The following ATP2B4 variants were observed in gnomAD, a reference collection of about 807,000 sequenced individuals.
ATP2B4 encodes the protein ATPase plasma membrane Ca2+ transporting 4, also known as plasma membrane calcium-transporting ATPase 4.
In ATP2B4, 39 loss-of-function variants were observed where a neutral mutation model predicts 110.3. The observed-to-expected ratio is 0.35, with a 90% CI of 0.27 to 0.46. The LOEUF is 0.46. Among genes scored for constraint, ATP2B4 ranks in the 20% least tolerant of loss-of-function variants. The probability of loss-of-function intolerance (pLI) is 1.00; values close to 1 mark genes in which losing one functional copy is unlikely to be tolerated. For synonymous variants in ATP2B4, 538 were observed against 571.7 expected (o/e 0.94, Z 0.84); for missense variants, 1,135 against 1,530.9 (o/e 0.74, Z 4.32).
Position 203,723,863 on chromosome 1 carries a change from C to A in ATP2B4, c.3025-18C>A. On this transcript the variant is annotated intron_variant, in intron 18 of 20. Transcript: ENST00000357681. ...TAGTCATTTCCTTGATGGTGGGCTG[C>A]CCCTTTCTCTGTTCTAGATTTTCAT... The A allele has an allele frequency of 6.3e-7, 1 of 1,578,574 alleles. No homozygotes were observed. Among genetic ancestry groups the A allele is most frequent in the East Asian group, 2.4e-5 (1 of 42,414 alleles).
intron 2 of ATP2B4, among the ~76,000 whole-genome samples, chr1:203,694,087 T>A (rs1558037054): frequency 2.0e-5 from 3 of 152,150 alleles, no homozygotes; most frequent in African/African-American, 7.2e-5. Context: ...AGCTACCAGG[T>A]AGGGGTTTGT....
chr1:203,692,477 C>T (rs944766240), intron 2 of ATP2B4, among the ~76,000 whole-genome samples: 8 of 152,340 alleles, frequency 5.3e-5, no homozygotes, highest in Non-Finnish European at 1.2e-4. Flanking sequence ...CCAAACAAAA[C>T]CCAAATCCTT....
At chr1:203,635,123 TACC>T (rs1221949887) in intron 1 of ATP2B4, among the ~76,000 whole-genome samples, 1 of 152,016 alleles carries the variant, frequency 6.6e-6, no homozygotes, top group Non-Finnish European at 1.5e-5. Context: ...TACAGGCATG[TACC>T]ACTACACCCG....
intron 20 of ATP2B4, among the ~76,000 whole-genome samples, chr1:203,735,056 A>C (rs1666846147): frequency 6.6e-6 from 1 of 151,808 alleles, no homozygotes; most frequent in Non-Finnish European, 1.5e-5. Flanking sequence ...GTTCACATGA[A>C]GGTACGAGAA....
intron 20 of ATP2B4, among the ~76,000 whole-genome samples, chr1:203,738,616 G>A (rs763677657): frequency 6.6e-6 from 1 of 152,150 alleles, no homozygotes; most frequent in Admixed American, 6.5e-5. Context: ...TCTCTCCCTG[G>A]TCCCTTTCAT....
chr1:203,649,362 G>A (rs1482798879), intron 1 of ATP2B4, among the ~76,000 whole-genome samples: 1 of 152,202 alleles, frequency 6.6e-6, no homozygotes, highest in Non-Finnish European at 1.5e-5. Context: ...CCTTGAGCAA[G>A]TCACTTAACC....
chr1:203,711,229 T>C (rs1283746498), intron 12 of ATP2B4, 121 bp downstream of exon 12: 4 of 883,980 alleles, frequency 4.5e-6, no homozygotes, highest in Non-Finnish European at 7.1e-6. Context: ...GTTTCTGTGC[T>C]TCCTGCTTCA....
At chr1:203,647,788 A>AG (rs1387817472) in intron 1 of ATP2B4, among the ~76,000 whole-genome samples, 1 of 151,784 alleles carries the variant, frequency 6.6e-6, no homozygotes, top group East Asian at 1.9e-4. Flanking sequence ...AGAAATGATT[A>AG]GGAAAAAAAA....
intron 1 of ATP2B4, among the ~76,000 whole-genome samples, chr1:203,634,516 T>G (rs941950567): frequency 3.3e-5 from 5 of 152,158 alleles, no homozygotes; most frequent in Non-Finnish European, 5.9e-5. Flanking sequence ...TTGACCAGTT[T>G]GCAGCCTCTA....
In ATP2B4 at chr1:203,640,587, A is replaced by T. The variant is rs189345414; in HGVS notation, c.-465+13368A>T. 2.3e-3 allele frequency among the ~76,000 whole-genome samples: 355 copies of T among 152,202 alleles called. 1 individual carries two copies. The highest frequency in any genetic ancestry group is 8.2e-3 in the African/African-American group (342 of 41,522). ...CAATCTGCCCACCTTGGCCCCCCAGAGTGCTGGGATTAGAGGTGTGAGCCA... is the reference window on the plus strand; with the variant it reads ...CAATCTGCCCACCTTGGCCCCCCAGTGTGCTGGGATTAGAGGTGTGAGCCA... On this transcript the variant is annotated intron_variant, in intron 1 of 20. Coordinates refer to ENST00000357681, the MANE Select transcript of ATP2B4 (RefSeq NM_001684.5).
intron 1 of ATP2B4, among the ~76,000 whole-genome samples, chr1:203,669,983 G>A (rs894730143): frequency 1.3e-5 from 2 of 152,102 alleles, no homozygotes; most frequent in African/African-American, 4.8e-5. Flanking sequence ...CTCTTTGCCT[G>A]CCCTTTGTCT....
chr1:203,638,339 T>G (rs1230344869), intron 1 of ATP2B4, among the ~76,000 whole-genome samples: 1 of 152,210 alleles, frequency 6.6e-6, no homozygotes, highest in Non-Finnish European at 1.5e-5. Context: ...TCCTGGCACT[T>G]ATGGACCATT....
intron 1 of ATP2B4, among the ~76,000 whole-genome samples, chr1:203,667,783 C>T (rs1169081444): frequency 2.0e-5 from 3 of 152,184 alleles, no homozygotes; most frequent in East Asian, 3.9e-4. Context: ...AGCAGCCTGG[C>T]GTGTCCTCAG....
intron 1 of ATP2B4, among the ~76,000 whole-genome samples, chr1:203,662,541 A>G (rs1291363157): frequency 2.0e-5 from 3 of 152,214 alleles, no homozygotes; most frequent in Non-Finnish European, 4.4e-5. Context: ...TACATACTTC[A>G]TATGAATAGA....
intron 2 of ATP2B4, among the ~76,000 whole-genome samples, chr1:203,696,998 A>G (rs1032362907): frequency 3.9e-5 from 6 of 152,174 alleles, no homozygotes; most frequent in African/African-American, 1.2e-4. Flanking sequence ...ACTGCGTGGC[A>G]TCTGAAAACT....
chr1:203,665,592 G>T (rs568354376), intron 1 of ATP2B4, among the ~76,000 whole-genome samples: 59 of 152,180 alleles, frequency 3.9e-4, no homozygotes, highest in Middle Eastern at 3.4e-3. Flanking sequence ...ACGAGGTCAG[G>T]AGTTCAAGAC....
chr1:203,729,544 CAA>C (rs5780193), intron 20 of ATP2B4: 12,660 of 329,138 alleles, frequency 0.038, no homozygotes, highest in South Asian at 0.064. Flanking sequence ...GACTCTGTCT[CAA>C]AAAAAAAAAA....
At chr1:203,700,170 C>T (rs201557822) in intron 4 of ATP2B4, 36 bp from the exon 5 acceptor site, 12 of 1,598,894 alleles carry the variant, frequency 7.5e-6, no homozygotes, top group Non-Finnish European at 1.7e-6. Context: ...CTCTTACTAT[C>T]TCCTTCACTG....
chr1:203,733,134 C>T, intron 20 of ATP2B4: 1 of 1,317,556 alleles, frequency 7.6e-7, no homozygotes, highest in Admixed American at 2.3e-5. Flanking sequence ...TCCTGCTTCC[C>T]CAACCTTCCA....
Sources: allele counts gnomAD v4.1 joint callset (sites outside exome capture counted in the v4.1 genomes callset), GRCh38; gene constraint gnomAD v4.1.1; transcripts MANE v1.5; gene names NCBI Gene and HGNC (gene_info 2026-07-23, HGNC 2026-07-21).